Variants in C12orf42 observed in about 807,000 individuals in gnomAD.
C12orf42 encodes chromosome 12 open reading frame 42.
In C12orf42, 25 loss-of-function variants were observed where a neutral mutation model predicts 21.6. The ratio of observed to expected loss-of-function variants is 1.16; its 90% confidence interval spans 0.84 to 1.62. C12orf42 has a LOEUF of 1.62. Among genes scored for constraint, C12orf42 ranks in the 40% most tolerant of loss-of-function variants. The pLI, the probability that C12orf42 is intolerant of heterozygous loss-of-function variation, is 0.00. For synonymous variants in C12orf42, 174 were observed against 175.0 expected (o/e 0.99, Z 0.05); for missense variants, 483 against 459.3 (o/e 1.05, Z -0.47).
chr12:103,550,537 T>C, the C12orf42 span: 2 of 152,194 alleles, frequency 1.3e-5, no homozygotes, highest in East Asian at 1.9e-4. Context: ...AGATTCTTGA[T>C]ACAAGCCTCT....
intron 4 of C12orf42, among the ~76,000 whole-genome samples, chr12:103,360,347 T>C (rs1043245838): frequency 6.6e-6 from 1 of 151,784 alleles, no homozygotes; most frequent in South Asian, 2.1e-4. Context: ...TCATCTGTCC[T>C]AAGGATGACT....
chr12:103,098,579 C>T, the C12orf42 span, among the ~76,000 whole-genome samples: 1 of 152,326 alleles, frequency 6.6e-6, no homozygotes, highest in African/African-American at 2.4e-5. Context: ...CATGTCATCT[C>T]TCACCCTGAA....
At chr12:103,183,574 C>T in the C12orf42 span, among the ~76,000 whole-genome samples, 1,636 of 151,546 alleles carry the variant, frequency 0.011, 25 homozygotes, top group African/African-American at 0.037. Context: ...TTATTGGTTT[C>T]TGCTCTTATC....
At chr12:103,545,130 A>G in the C12orf42 span, among the ~76,000 whole-genome samples, 6 of 152,212 alleles carry the variant, frequency 3.9e-5, no homozygotes, top group Non-Finnish European at 5.9e-5. Context: ...GCTCATTAGT[A>G]CATCTTAGGA....
At chr12:103,450,963 A>T (rs1951897586) in intron 2 of C12orf42, among the ~76,000 whole-genome samples, 1 of 152,094 alleles carries the variant, frequency 6.6e-6, no homozygotes, top group South Asian at 2.1e-4. Flanking sequence ...TGGACCTTTT[A>T]TACATCTGAT....
chr12:103,249,793 T>C (rs2034198821), intron 10 of C12orf42, among the ~76,000 whole-genome samples: 1 of 152,060 alleles, frequency 6.6e-6, no homozygotes, highest in Admixed American at 6.6e-5. Flanking sequence ...AAGACTAATA[T>C]TACCCATTCG....
At chr12:103,478,583 ATTTT>A (rs3065865) in intron 1 of C12orf42, 136 bp from the exon 2 acceptor site, 1,999 of 278,298 alleles carry the variant, frequency 7.2e-3, no homozygotes, top group South Asian at 0.012. Context: ...ACTTTCAATA[ATTTT>A]TTTTTTTTTT....
chr12:103,150,762 C>T, the C12orf42 span, among the ~76,000 whole-genome samples: 11 of 152,234 alleles, frequency 7.2e-5, no homozygotes, highest in East Asian at 2.1e-3. Context: ...TAAAAAAATA[C>T]TGGAATGATC....
chr12:103,303,870 T>A (rs2136491605), intron 5 of C12orf42, among the ~76,000 whole-genome samples: 1 of 152,328 alleles, frequency 6.6e-6, no homozygotes, highest in Non-Finnish European at 1.5e-5. Flanking sequence ...TTAATAGCTG[T>A]TGATTTGGAT....
chr12:103,438,614 C>A (rs1454592095), intron 2 of C12orf42, among the ~76,000 whole-genome samples: 1 of 151,836 alleles, frequency 6.6e-6, no homozygotes, highest in South Asian at 2.1e-4. Context: ...ACACCAACAA[C>A]AGACAAACAG....
chr12:103,136,149 T>C, the C12orf42 span, among the ~76,000 whole-genome samples: 3 of 152,144 alleles, frequency 2.0e-5, no homozygotes, highest in African/African-American at 7.2e-5. Flanking sequence ...TAGAAAAACC[T>C]ACAGACTTCA....
At chr12:103,245,952 C>G (rs1192039104) in intron 10 of C12orf42, among the ~76,000 whole-genome samples, 1 of 152,004 alleles carries the variant, frequency 6.6e-6, no homozygotes, top group Non-Finnish European at 1.5e-5. Flanking sequence ...TTTGAAGGAG[C>G]TGGACAGGCC....
At chr12:103,471,916 T>A (rs1953645452) in intron 2 of C12orf42, 1 of 152,284 alleles carries the variant, frequency 6.6e-6, no homozygotes, top group Middle Eastern at 3.4e-3. Context: ...ACAGAGACTT[T>A]AAACATTCAC....
chr12:103,551,668 T>C, the C12orf42 span, among the ~76,000 whole-genome samples: 2 of 151,962 alleles, frequency 1.3e-5, no homozygotes, highest in African/African-American at 4.8e-5. Flanking sequence ...AACACAAAAA[T>C]TAGCTGGAGA....
intron 4 of C12orf42, among the ~76,000 whole-genome samples, chr12:103,326,030 A>G (rs1051129883): frequency 2.6e-5 from 4 of 152,228 alleles, no homozygotes; most frequent in Admixed American, 1.3e-4. Context: ...TGTGCCAGGA[A>G]TAGTTCAAAC....
At chr12:103,361,347 G>C (rs2044086136) in intron 4 of C12orf42, among the ~76,000 whole-genome samples, 1 of 152,100 alleles carries the variant, frequency 6.6e-6, no homozygotes, top group Non-Finnish European at 1.5e-5. Flanking sequence ...AAATACAGGG[G>C]TAGAGGAAGC....
chr12:103,273,960 C>G, intron 5 of C12orf42: 1 of 455,544 alleles, frequency 2.2e-6, no homozygotes, highest in Non-Finnish European at 4.4e-6. Flanking sequence ...AGTGTGCTGT[C>G]CAGGGTCAAG....
intron 2 of C12orf42, among the ~76,000 whole-genome samples, chr12:103,417,784 A>T (rs1203352504): frequency 6.6e-6 from 1 of 152,214 alleles, no homozygotes; most frequent in Non-Finnish European, 1.5e-5. Context: ...TAGGATAAGA[A>T]GTGGTTGGAC....
intron 1 of C12orf42, among the ~76,000 whole-genome samples, 159 bp from the exon 2 acceptor site, chr12:103,478,606 G>T (rs7138708): frequency 1 from 146,760 of 146,784 alleles, 73,368 homozygotes; most frequent in Middle Eastern, 1. Flanking sequence ...TTTTTTTTGG[G>T]GGAGACAGGG....
Sources: allele counts gnomAD v4.1 joint callset (sites outside exome capture counted in the v4.1 genomes callset), GRCh38; gene constraint gnomAD v4.1.1; transcripts MANE v1.5; gene names NCBI Gene and HGNC (gene_info 2026-07-23, HGNC 2026-07-21).